WWOX: variants seen among roughly 807,000 people sequenced by gnomAD.
WWOX encodes the protein WW domain-containing oxidoreductase.
In WWOX, 69 loss-of-function variants were observed where a neutral mutation model predicts 46.2. The ratio of observed to expected loss-of-function variants is 1.49; its 90% confidence interval spans 1.23 to 1.82. The LOEUF is 1.82. Among genes scored for constraint, WWOX ranks in the 40% most tolerant of loss-of-function variants. WWOX has a pLI of 0.00. For synonymous variants in WWOX, 359 were observed against 202.6 expected (o/e 1.77, Z -6.56); for missense variants, 919 against 542.6 (o/e 1.69, Z -6.89).
intron 8 of WWOX, among the ~76,000 whole-genome samples, chr16:78,908,524 A>G (rs1317864586): frequency 7.7e-6 from 1 of 129,386 alleles, no homozygotes; most frequent in Non-Finnish European, 1.7e-5. Context: ...TGGGCGACAG[A>G]CTGAAACTCT....
intron 8 of WWOX, among the ~76,000 whole-genome samples, chr16:78,797,256 C>G (rs2050762819): frequency 6.7e-6 from 1 of 148,918 alleles, no homozygotes; most frequent in South Asian, 2.1e-4. Context: ...AAGACATGAT[C>G]TCAAGTCAGC....
chr16:78,714,551 G>A (rs1003702369), intron 8 of WWOX, among the ~76,000 whole-genome samples: 5 of 151,930 alleles, frequency 3.3e-5, no homozygotes, highest in Non-Finnish European at 4.4e-5. Flanking sequence ...TCATGTCTTG[G>A]CAGCCATCTA....
At chr16:78,928,317 C>G (rs1412934289) in intron 8 of WWOX, among the ~76,000 whole-genome samples, 1 of 151,466 alleles carries the variant, frequency 6.6e-6, no homozygotes, top group Non-Finnish European at 1.5e-5. Flanking sequence ...ATTCTCCTGC[C>G]TCAGCCTCCC....
intron 8 of WWOX, among the ~76,000 whole-genome samples, chr16:78,832,684 C>G (rs1037576662): frequency 1.3e-5 from 2 of 152,092 alleles, no homozygotes; most frequent in Non-Finnish European, 2.9e-5. Context: ...TGTGGTGGCC[C>G]TCTCAGGAGG....
chr16:78,808,900 A>G (rs1285740116), intron 8 of WWOX, among the ~76,000 whole-genome samples: 1 of 152,138 alleles, frequency 6.6e-6, no homozygotes, highest in Non-Finnish European at 1.5e-5. Flanking sequence ...GGAGCCATCT[A>G]AATTCCGTTA....
intron 8 of WWOX, among the ~76,000 whole-genome samples, chr16:78,509,287 A>G (rs7188990): frequency 0.14 from 20,673 of 152,164 alleles, 1,553 homozygotes; most frequent in Non-Finnish European, 0.17. Flanking sequence ...AAAAAATACA[A>G]AAGTTAGCCG....
chr16:79,188,389 C>T (rs1007489447), intron 8 of WWOX, among the ~76,000 whole-genome samples: 1 of 151,808 alleles, frequency 6.6e-6, no homozygotes. Flanking sequence ...TCTCTTTTTT[C>T]GGTAACTGTG....
At chr16:78,323,233 A>T (rs1052153764) in intron 5 of WWOX, among the ~76,000 whole-genome samples, 6 of 152,052 alleles carry the variant, frequency 3.9e-5, no homozygotes, top group African/African-American at 1.4e-4. Flanking sequence ...CAGCCTCCTG[A>T]GTAGGTGGGA....
rs1251273494 is a variant in WWOX, at chr16:78,232,874, G to A, written c.516+68585G>A. 4.0e-5 allele frequency among the ~76,000 whole-genome samples: 6 copies of A among 151,104 alleles called. No individual in the cohort carries two copies. The East Asian group carries it at 5.8e-4, about 15-fold the overall frequency. On this transcript the variant is annotated intron_variant, in intron 5 of 8. Transcript: ENST00000566780. ...TTCTTTTTTTTTAAGATGGAGTCTCGCTCTGTCACCGGGCTGGAGTGCAGT... is the reference window on the plus strand; with the variant it reads ...TTCTTTTTTTTTAAGATGGAGTCTCACTCTGTCACCGGGCTGGAGTGCAGT...
intron 8 of WWOX, among the ~76,000 whole-genome samples, chr16:78,988,599 G>T (rs2046826138): frequency 6.6e-6 from 1 of 152,156 alleles, no homozygotes; most frequent in Admixed American, 6.5e-5. Flanking sequence ...CTTTGCCATT[G>T]TTCAAGCCCT....
chr16:79,211,319 C>G (rs1444724065), intron 8 of WWOX, among the ~76,000 whole-genome samples: 1 of 152,190 alleles, frequency 6.6e-6, no homozygotes, highest in Non-Finnish European at 1.5e-5. Flanking sequence ...GAAGAGGCGC[C>G]TGCCACGACG....
intron 8 of WWOX, among the ~76,000 whole-genome samples, chr16:78,841,393 G>A (rs535136304): frequency 6.6e-6 from 1 of 152,208 alleles, no homozygotes; most frequent in Non-Finnish European, 1.5e-5. Flanking sequence ...CATGAGAGCA[G>A]ATTTTGCCTG....
At chr16:79,142,832 G>C (rs2050115717) in intron 8 of WWOX, among the ~76,000 whole-genome samples, 1 of 152,002 alleles carries the variant, frequency 6.6e-6, no homozygotes, top group Non-Finnish European at 1.5e-5. Context: ...CCAAGTAGCT[G>C]GGACTACAGG....
intron 8 of WWOX, among the ~76,000 whole-genome samples, chr16:78,854,064 A>G (rs1567605485): frequency 1.3e-5 from 2 of 152,030 alleles, no homozygotes; most frequent in African/African-American, 4.8e-5. Flanking sequence ...ATTTTGCTAT[A>G]TTTCTTTCTA....
intron 5 of WWOX, among the ~76,000 whole-genome samples, chr16:78,182,919 T>G (rs142588044): frequency 2.1e-5 from 3 of 142,542 alleles, no homozygotes; most frequent in Non-Finnish European, 4.5e-5. Flanking sequence ...CCACTGCACT[T>G]CAGCCTGGGT....
chr16:78,595,932 A>G (rs1004304371), intron 8 of WWOX, among the ~76,000 whole-genome samples: 2 of 152,224 alleles, frequency 1.3e-5, no homozygotes, highest in African/African-American at 4.8e-5. Flanking sequence ...AATAAAACTA[A>G]AAAGAAACCT....
chr16:78,770,727 G>A (rs375992546), intron 8 of WWOX, among the ~76,000 whole-genome samples: 269 of 120,558 alleles, frequency 2.2e-3, no homozygotes, highest in East Asian at 8.5e-3. Flanking sequence ...ACCAGAACCC[G>A]TCTGCGCCAG....
At chr16:78,771,391 T>G (rs1205645966) in intron 8 of WWOX, among the ~76,000 whole-genome samples, 1 of 152,142 alleles carries the variant, frequency 6.6e-6, no homozygotes, top group Non-Finnish European at 1.5e-5. Flanking sequence ...TATTACTGTT[T>G]GAGGTGATGA....
At chr16:78,263,571 G>A (rs564263168) in intron 5 of WWOX, among the ~76,000 whole-genome samples, 3 of 152,258 alleles carry the variant, frequency 2.0e-5, no homozygotes, top group Middle Eastern at 3.4e-3. Context: ...GTTACTTACC[G>A]TGAGGTTATC....
Sources: gnomAD v4.1 joint callset for allele counts (sites outside exome capture counted in the v4.1 genomes callset) on GRCh38, gnomAD v4.1.1 for gene constraint, MANE v1.5 for transcripts, NCBI Gene and HGNC (gene_info 2026-07-23, HGNC 2026-07-21) for gene names.